Variants in SPNS2 observed in about 807,000 individuals in gnomAD.
SPNS2 encodes the protein SPNS lysolipid transporter 2, sphingosine-1-phosphate.
Under a neutral mutation model 57.6 loss-of-function variants are expected in SPNS2, and 37 were observed. The observed-to-expected ratio is 0.64, with a 90% CI of 0.49 to 0.85. The LOEUF is 0.85. SPNS2 is among the 40% of genes least tolerant of loss of function. The probability of loss-of-function intolerance (pLI) is 0.00; values close to 1 mark genes in which losing one functional copy is unlikely to be tolerated. For synonymous variants in SPNS2, 440 were observed against 346.9 expected (o/e 1.27, Z -2.98); for missense variants, 831 against 779.1 (o/e 1.07, Z -0.79).
chr17:4,533,643 C>G, intron 8 of SPNS2, 145 bp from the exon 9 acceptor site: 1 of 1,070,544 alleles, frequency 9.3e-7, no homozygotes. Context: ...CTTGAAGTCT[C>G]TGGATAGCCC....
intron 1 of SPNS2, among the ~76,000 whole-genome samples, chr17:4,504,017 A>G (rs1244950842): frequency 7.3e-6 from 1 of 137,912 alleles, no homozygotes; most frequent in African/African-American, 2.8e-5. Flanking sequence ...TGTTAAGTCT[A>G]TCCAGAATTG....
chr17:4,531,009 A>C, intron 4 of SPNS2, 44 bp from the exon 5 acceptor site: 1 of 1,607,730 alleles, frequency 6.2e-7, no homozygotes, highest in Non-Finnish European at 8.5e-7. Context: ...CCCTGTCCCC[A>C]GCCCCTGTCT....
Position 4,531,096 on chromosome 17 carries a change from G to C in SPNS2, c.769G>C (p.Gly257Arg). The C allele has an allele frequency of 6.2e-7, 1 of 1,614,002 alleles. No homozygotes were observed. Among genetic ancestry groups the C allele is most frequent in the Non-Finnish European group, 8.5e-7 (1 of 1,179,996 alleles). ...TGGCTCCAGCGTGAAGCAGGCAGCC[G>C]GAGACTGGCACTGGGCATTGCGGGT... Reference protein sequence around the residue: ...ITGSSVKQAAGDWHWALRVSP... With the variant: ...ITGSSVKQAARDWHWALRVSP... Residue 257 changes from glycine to arginine, a missense_variant, in exon 5 of 13, where the codon GGA becomes CGA. By Grantham distance (125) the Gly-to-Arg change is moderately radical. This residue lies in a region of SPNS2 where 305 missense variants were observed against 378.3 expected (regional missense o/e 0.81). Transcript: ENST00000329078.
rs1171472313 is a variant in SPNS2, at chr17:4,537,035, C to T, written c.*4+89C>T. On this transcript the variant is annotated intron_variant, in intron 12 of 12. Transcript: ENST00000329078. ...ACAGGGAGCACTTTTCCTCCAGAGT[C>T]ACCTCCTACCCCAGCACATCCCACC... is the stretch of plus-strand genomic sequence containing the variant. The T allele has an allele frequency of 1.2e-5, 16 of 1,385,986 alleles. No individual in the cohort carries two copies. In the East Asian group the frequency reaches 1.2e-4, roughly 10 times the overall value. 85.9% of individuals were successfully genotyped at this position (1,385,986 alleles called of 1,614,324 possible). A position where few individuals can be genotyped will look rare whatever the true frequency, so the allele number is the denominator to read the frequency against.
At chr17:4,536,636 A>C (rs964717164) in intron 11 of SPNS2, 3 of 701,176 alleles carry the variant, frequency 4.3e-6, no homozygotes, top group Admixed American at 2.9e-5. Flanking sequence ...GTGGATCCAG[A>C]CTTGGGTTTG....
At chr17:4,523,842 C>T (rs1187847987) in intron 2 of SPNS2, among the ~76,000 whole-genome samples, 1 of 152,254 alleles carries the variant, frequency 6.6e-6, no homozygotes, top group Admixed American at 6.5e-5. Flanking sequence ...CACCATCTGA[C>T]AAGCTGTGTT....
intron 2 of SPNS2, among the ~76,000 whole-genome samples, chr17:4,523,597 G>A (rs1195087930): frequency 2.0e-5 from 3 of 152,156 alleles, no homozygotes; most frequent in Admixed American, 1.3e-4. Context: ...GTGAAACCCC[G>A]TCTCTACTAA....
At chr17:4,513,217 G>T (rs1454845256) in intron 1 of SPNS2, 30 bp from the exon 2 acceptor site, 1 of 1,612,106 alleles carries the variant, frequency 6.2e-7, no homozygotes, top group African/African-American at 1.3e-5. Flanking sequence ...ATCAGACTCG[G>T]CCAGTGAGCA....
Position 4,533,224 on chromosome 17 carries a change from C to G in SPNS2, c.1089-19C>G. 6.3e-7 allele frequency: 1 copy of G among 1,587,678 alleles called. No homozygotes were observed. The highest frequency in any genetic ancestry group is 8.6e-7 in the Non-Finnish European group (1 of 1,163,186). ...CTGAGCCGCCTCAACTCGTGCGCCA[C>G]CATCCTCTGTCCCCACAGCCTCATC... is the stretch of plus-strand genomic sequence containing the variant. On this transcript the variant is annotated intron_variant, in intron 7 of 12. Transcript: ENST00000329078.
chr17:4,536,324 G>T lies in SPNS2; in HGVS notation c.1505G>T (p.Gly502Val). Residue 502 changes from glycine (G) to valine (V), a missense_variant, in exon 11 of 13, where the codon GGC becomes GTC. Transcript: ENST00000329078. ...DSPLWEFLSL[G>V]YALMLCPFVV... Reference sequence around the variant, plus strand: ...CCGCTCTGGGAGTTCCTGAGCCTGGGCTACGCGCTCATGCTCTGCCCTTTC... The same window carrying T: ...CCGCTCTGGGAGTTCCTGAGCCTGGTCTACGCGCTCATGCTCTGCCCTTTC... 1 of 1,612,260 alleles carries T rather than the reference G, an allele frequency of 6.2e-7. No homozygotes were observed. The highest frequency in any genetic ancestry group is 8.5e-7 in the Non-Finnish European group (1 of 1,179,950).
rs1430410422 is a variant in SPNS2 at position 4,514,983 on chromosome 17, C to T, written c.436+1671C>T. 2.6e-5 allele frequency among the ~76,000 whole-genome samples: 4 copies of T among 152,204 alleles called. No homozygotes were observed. In the South Asian group the frequency reaches 8.3e-4, roughly 31 times the overall value. ...TCACTGCCTCATCTGGAGCAAGGCT[C>T]TACCCCACGCATCCTCCATTTAATG... is the stretch of plus-strand genomic sequence containing the variant. On this transcript the variant is annotated intron_variant, in intron 2 of 12. Transcript: ENST00000329078.
At chr17:4,505,800 G>T (rs1021039898) in intron 1 of SPNS2, among the ~76,000 whole-genome samples, 2 of 152,172 alleles carry the variant, frequency 1.3e-5, no homozygotes, top group Non-Finnish European at 2.9e-5. Flanking sequence ...CTTGGAGGCT[G>T]GGGACAGGGT....
At position 4,530,657 on chromosome 17, in the gene SPNS2, G is replaced by A. The variant is rs566731138; in HGVS notation, c.599G>A (p.Arg200Gln). 8.1e-6 allele frequency: 13 copies of A among 1,612,686 alleles called. No individual in the cohort carries two copies. The highest frequency in any genetic ancestry group is 1.7e-5 in the Admixed American group (1 of 59,868). ...QQYFWLLVLS[R>Q]GLVGIGEASY... ...TACTTCTGGCTGCTGGTCCTGTCCC[G>A]GGGGCTGGTGGGCATCGGGGAGGCC... Residue 200 changes from arginine to glutamine, a missense_variant, in exon 4 of 13, where the codon CGG (arginine) becomes CAG (glutamine). Around this residue, in one of 2 missense-constraint regions of SPNS2, gnomAD observed 305 missense variants for 378.3 expected, o/e 0.81. Transcript: ENST00000329078.
rs1033222636 is a variant in SPNS2, at chr17:4,538,744, G to A, written c.*1296G>A. 2.9e-6 allele frequency: 2 copies of A among 700,176 alleles called. No individual in the cohort carries two copies. The highest frequency in any genetic ancestry group is 5.1e-6 in the Non-Finnish European group (2 of 391,342). 43.4% of individuals were successfully genotyped at this position (700,176 alleles called of 1,614,324 possible). On this transcript the variant is annotated 3_prime_UTR_variant, in exon 13 of 13. Transcript: ENST00000329078. ...TGGCTGTGGCTTCAGTGGTGTGTAA[G>A]CAGGTGGAATACTCACCCACCAAGC...
intron 2 of SPNS2, among the ~76,000 whole-genome samples, chr17:4,514,058 G>A (rs1488734438): frequency 1.3e-5 from 2 of 152,262 alleles, no homozygotes; most frequent in Non-Finnish European, 2.9e-5. Flanking sequence ...ACATGGCCCT[G>A]TGGGAGCTGG....
chr17:4,516,334 A>AAACC (rs1904991046), intron 2 of SPNS2, among the ~76,000 whole-genome samples: 6 of 122,714 alleles, frequency 4.9e-5, no homozygotes, highest in Non-Finnish European at 1.0e-4. Context: ...AAAAAAAAAA[A>AAACC]AAAAAAAAAC....
At position 4,533,775 on chromosome 17, in the gene SPNS2, T is replaced by C; in HGVS notation, c.1279-13T>C. 6.2e-7 allele frequency: 1 copy of C among 1,613,686 alleles called. No individual in the cohort carries two copies. ...AGGGACCGCTGATGGTGGCTTTGCC[T>C]TCTCCCCGGCAGATCTGTATCTTCG... On this transcript the variant is annotated splice_polypyrimidine_tract_variant and intron_variant, in intron 8 of 12. Transcript: ENST00000329078.
Position 4,536,397 on chromosome 17 carries a change from C to G in SPNS2, c.1578C>G (p.Phe526Leu). Residue 526 changes from phenylalanine (F) to leucine (L), a missense_variant, in exon 11 of 13, where the codon TTC becomes TTG. Transcript: ENST00000329078. ...GMFFLATALF[F>L]VSDRARAEQQ... ...TCTTCCTCGCCACTGCGCTCTTCTT[C>G]GTCAGCGACCGCGCCAGGGCTGAGC... 6.2e-7 allele frequency: 1 copy of G among 1,605,058 alleles called. No homozygotes were observed. The highest frequency in any genetic ancestry group is 8.5e-7 in the Non-Finnish European group (1 of 1,179,702).
intron 9 of SPNS2, among the ~76,000 whole-genome samples, chr17:4,534,673 G>A (rs950611923): frequency 2.0e-5 from 3 of 152,130 alleles, no homozygotes; most frequent in African/African-American, 7.2e-5. Flanking sequence ...GGGCGTATCC[G>A]CTTCCCCCTG....
Sources: allele counts gnomAD v4.1 joint callset (sites outside exome capture counted in the v4.1 genomes callset), GRCh38; gene constraint gnomAD v4.1.1; regional missense constraint gnomAD v4.1.1; transcripts MANE v1.5; gene names NCBI Gene and HGNC (gene_info 2026-07-23, HGNC 2026-07-21).